The following LRBA variants were observed in gnomAD, a reference collection of about 807,000 sequenced individuals.
LRBA encodes the protein lipopolysaccharide-responsive and beige-like anchor protein.
LRBA carries 176 observed loss-of-function variants against 330.0 expected under a neutral mutation model. The ratio of observed to expected loss-of-function variants is 0.53; its 90% CI spans 0.47 to 0.60. The LOEUF (loss-of-function observed/expected upper bound fraction) is 0.60, where lower values mean the gene tolerates loss of function less well. LRBA is among the 20% of genes least tolerant of loss of function. LRBA has a pLI of 0.00. For missense variants in LRBA, 3,259 were observed against 3,444.8 expected, an observed-to-expected ratio of 0.95 and a Z score of 1.35; for synonymous variants, 1,230 against 1,193.0, an observed-to-expected ratio of 1.03 and a Z score of -0.64.
chr4:150,627,136 A>G (rs1449321339), intron 37 of LRBA, among the ~76,000 whole-genome samples: 1 of 152,132 alleles, frequency 6.6e-6, no homozygotes, highest in African/African-American at 2.4e-5. Context: ...TTTTAAAGCT[A>G]CATACAAGTC....
chr4:150,799,535 C>T (rs998415591), intron 33 of LRBA, among the ~76,000 whole-genome samples: 59 of 152,182 alleles, frequency 3.9e-4, no homozygotes, highest in Non-Finnish European at 7.3e-5. Context: ...AAATTCAGAT[C>T]TTTCTATTAT....
chr4:150,351,007 T>C (rs976131288), intron 47 of LRBA, among the ~76,000 whole-genome samples: 1 of 152,166 alleles, frequency 6.6e-6, no homozygotes, highest in Non-Finnish European at 1.5e-5. Flanking sequence ...TTACTGAATT[T>C]TTATTCTAGG....
At chr4:150,434,814 G>A (rs1408602997) in intron 46 of LRBA, among the ~76,000 whole-genome samples, 2 of 151,524 alleles carry the variant, frequency 1.3e-5, no homozygotes. Flanking sequence ...TTGTGATTGT[G>A]CCACTGCACC....
chr4:150,502,848 C>T (rs1760469076), intron 40 of LRBA, among the ~76,000 whole-genome samples: 1 of 152,200 alleles, frequency 6.6e-6, no homozygotes, highest in Non-Finnish European at 1.5e-5. Flanking sequence ...TGGGTCACTC[C>T]CACCCTAATA....
At chr4:150,969,156 G>A (rs1052570963) in intron 2 of LRBA, among the ~76,000 whole-genome samples, 4 of 152,180 alleles carry the variant, frequency 2.6e-5, no homozygotes, top group Non-Finnish European at 5.9e-5. Context: ...GATATACAAG[G>A]AGATTCACGT....
intron 2 of LRBA, among the ~76,000 whole-genome samples, chr4:151,009,945 A>C (rs1272174597): frequency 3.3e-5 from 5 of 152,148 alleles, no homozygotes; most frequent in Non-Finnish European, 7.3e-5. Flanking sequence ...GCGCCACTGC[A>C]CTCCAGCATG....
At chr4:150,511,802 G>T (rs990562247) in intron 40 of LRBA, among the ~76,000 whole-genome samples, 3 of 152,200 alleles carry the variant, frequency 2.0e-5, no homozygotes, top group Admixed American at 1.3e-4. Context: ...CACATAACTA[G>T]TAAGTAGTGT....
At chr4:150,283,140 C>T (rs1043002036) in intron 54 of LRBA, among the ~76,000 whole-genome samples, 2 of 152,198 alleles carry the variant, frequency 1.3e-5, no homozygotes, top group African/African-American at 4.8e-5. Flanking sequence ...CCTCTTCCCC[C>T]GCAACTGCTC....
At chr4:150,574,796 G>A (rs1163923375) in intron 40 of LRBA, among the ~76,000 whole-genome samples, 1 of 151,970 alleles carries the variant, frequency 6.6e-6, no homozygotes, top group African/African-American at 2.4e-5. Flanking sequence ...GCCCAATTAA[G>A]TATGGTTGGA....
Position 150,588,127 on chromosome 4 carries a change from C to A in LRBA, c.6251G>T (p.Gly2084Val). 6.2e-7 allele frequency: 1 copy of A among 1,612,138 alleles called. No homozygotes were observed. The highest frequency in any genetic ancestry group is 8.5e-7 in the Non-Finnish European group (1 of 1,179,146). ...TTCGGAGGAGGTGACAGAAAGAGTG[C>A]CCTTTACTACAACAGAGGGGGCCAC... ...QLVAPSVVVK[G>V]TLSVTSSELY... The change falls in exon 40 of 57, where the codon GGC becomes GTC. Residue 2084 changes from glycine to valine, a missense_variant. Transcript: ENST00000651943.
chr4:150,814,052 T>G (rs187676225), intron 31 of LRBA, among the ~76,000 whole-genome samples: 1 of 152,208 alleles, frequency 6.6e-6, no homozygotes, highest in East Asian at 1.9e-4. Flanking sequence ...TCACATAATT[T>G]ACTAAATATT....
chr4:150,448,963 A>G (rs1465637355), intron 44 of LRBA, among the ~76,000 whole-genome samples: 2 of 152,064 alleles, frequency 1.3e-5, no homozygotes, highest in Non-Finnish European at 2.9e-5. Context: ...GGCCTCTCCC[A>G]TTGCTCATGA....
At chr4:150,593,938 T>C (rs1318225864) in intron 38 of LRBA, among the ~76,000 whole-genome samples, 1 of 152,128 alleles carries the variant, frequency 6.6e-6, no homozygotes, top group African/African-American at 2.4e-5. Flanking sequence ...TCCCTTCCAA[T>C]TGCAATTAAA....
At chr4:150,893,745 G>A (rs1266502028) in intron 16 of LRBA, among the ~76,000 whole-genome samples, 1 of 151,704 alleles carries the variant, frequency 6.6e-6, no homozygotes, top group Admixed American at 6.6e-5. Context: ...GCACAATCTC[G>A]GCTCACTGCA....
intron 37 of LRBA, among the ~76,000 whole-genome samples, chr4:150,652,750 G>A (rs1318941781): frequency 6.6e-6 from 1 of 152,142 alleles, no homozygotes; most frequent in Non-Finnish European, 1.5e-5. Flanking sequence ...TCTCAGTTGA[G>A]ACTAACCACA....
chr4:150,355,571 TC>T (rs1212507029), intron 47 of LRBA, among the ~76,000 whole-genome samples: 1 of 152,070 alleles, frequency 6.6e-6, no homozygotes, highest in African/African-American at 2.4e-5. Context: ...GAAATACATT[TC>T]TGCACACCTG....
intron 37 of LRBA, among the ~76,000 whole-genome samples, chr4:150,599,562 C>T (rs1054128118): frequency 6.6e-6 from 1 of 152,166 alleles, no homozygotes; most frequent in Admixed American, 6.6e-5. Context: ...TAATCAAAGT[C>T]CGTCCCCCTT....
At chr4:150,533,116 G>C (rs1764223670) in intron 40 of LRBA, among the ~76,000 whole-genome samples, 1 of 152,046 alleles carries the variant, frequency 6.6e-6, no homozygotes, top group South Asian at 2.1e-4. Context: ...AACAATGTTA[G>C]CAACTGACAA....
At chr4:150,955,987 T>A (rs1737512108) in intron 2 of LRBA, among the ~76,000 whole-genome samples, 2 of 148,612 alleles carry the variant, frequency 1.3e-5, no homozygotes, top group South Asian at 4.2e-4. Context: ...ATAATAAAGA[T>A]TACAGAAGAA....
Sources: allele counts gnomAD v4.1 joint callset (sites outside exome capture counted in the v4.1 genomes callset), GRCh38; gene constraint gnomAD v4.1.1; transcripts MANE v1.5; gene names NCBI Gene and HGNC (gene_info 2026-07-23, HGNC 2026-07-21).